FHIP1A: variants seen among roughly 807,000 people sequenced by gnomAD.
FHIP1A encodes FHF complex subunit HOOK interacting protein 1A, also known as FHF complex subunit HOOK-interacting protein 1A.
FHIP1A carries 61 observed loss-of-function variants against 88.6 expected under a neutral mutation model. The observed-to-expected ratio is 0.69, with a 90% confidence interval of 0.56 to 0.85. The LOEUF is 0.85. Among genes scored for constraint, FHIP1A ranks in the 40% least tolerant of loss-of-function variants. The probability of loss-of-function intolerance (pLI) is 0.00; values close to 1 mark genes in which losing one functional copy is unlikely to be tolerated. For missense variants in FHIP1A, 1,154 were observed against 1,273.5 expected (o/e 0.91, Z 1.43); for synonymous variants, 478 against 496.0 (o/e 0.96, Z 0.48).
intron 2 of FHIP1A, among the ~76,000 whole-genome samples, chr4:151,457,244 C>T (rs943226685): frequency 6.6e-6 from 1 of 152,006 alleles, no homozygotes; most frequent in Non-Finnish European, 1.5e-5. Context: ...CCTGTGTGGG[C>T]TAAGTAAGAA....
intron 2 of FHIP1A, among the ~76,000 whole-genome samples, chr4:151,474,463 A>G (rs1482926187): frequency 2.0e-5 from 3 of 152,348 alleles, no homozygotes; most frequent in Middle Eastern, 3.4e-3. Flanking sequence ...GATTTGTGAA[A>G]TTTTGTTTTT....
intron 3 of FHIP1A, among the ~76,000 whole-genome samples, chr4:151,498,940 A>G (rs964493570): frequency 1.3e-5 from 2 of 152,254 alleles, no homozygotes; most frequent in Non-Finnish European, 2.9e-5. Flanking sequence ...GAAGGCTTGC[A>G]GTCTTCAATT....
intron 8 of FHIP1A, among the ~76,000 whole-genome samples, chr4:151,633,217 A>C (rs918099641): frequency 1.3e-5 from 2 of 151,938 alleles, no homozygotes; most frequent in Non-Finnish European, 2.9e-5. Flanking sequence ...GGACCTAGAT[A>C]CATTCTTAGA....
At chr4:151,436,873 A>G (rs1198022333) in intron 1 of FHIP1A, among the ~76,000 whole-genome samples, 2 of 152,178 alleles carry the variant, frequency 1.3e-5, no homozygotes, top group African/African-American at 4.8e-5. Context: ...ATAAAATGAC[A>G]TAGTATTTGC....
chr4:151,635,565 A>G (rs1332507721), intron 8 of FHIP1A, among the ~76,000 whole-genome samples: 6 of 151,832 alleles, frequency 4.0e-5, no homozygotes, highest in Admixed American at 3.9e-4. Context: ...AAAGAAGGAA[A>G]TCTTGTCATA....
intron 1 of FHIP1A, among the ~76,000 whole-genome samples, chr4:151,416,524 G>A (rs1211025719): frequency 1.3e-5 from 2 of 152,038 alleles, no homozygotes; most frequent in Admixed American, 6.6e-5. Context: ...ACACATTTGT[G>A]TATTTATGCC....
intron 2 of FHIP1A, among the ~76,000 whole-genome samples, chr4:151,474,900 T>G (rs1729645467): frequency 6.6e-6 from 1 of 152,206 alleles, no homozygotes; most frequent in Non-Finnish European, 1.5e-5. Context: ...TTGCTTACCT[T>G]GTACAGGGGC....
chr4:151,560,289 A>G (rs879620909), intron 3 of FHIP1A, among the ~76,000 whole-genome samples: 3 of 152,174 alleles, frequency 2.0e-5, no homozygotes, highest in Non-Finnish European at 4.4e-5. Context: ...ACATGAAGGG[A>G]TTTAAAGCAC....
chr4:151,592,380 C>T (rs1183501335), intron 7 of FHIP1A, among the ~76,000 whole-genome samples: 15 of 152,138 alleles, frequency 9.9e-5, no homozygotes, highest in Non-Finnish European at 1.3e-4. Context: ...GTGATCCACC[C>T]GCCTCAGCCT....
At chr4:151,655,900 G>C (rs773019590) in intron 11 of FHIP1A, among the ~76,000 whole-genome samples, 1 of 151,794 alleles carries the variant, frequency 6.6e-6, no homozygotes, top group Non-Finnish European at 1.5e-5. Flanking sequence ...AGAAATACAG[G>C]AATGATGTAG....
At chr4:151,474,717 G>A (rs1729639291) in intron 2 of FHIP1A, among the ~76,000 whole-genome samples, 1 of 152,210 alleles carries the variant, frequency 6.6e-6, no homozygotes, top group Non-Finnish European at 1.5e-5. Context: ...GTGTTTATTG[G>A]CCATTCGGCC....
At chr4:151,582,360 T>G (rs1246867768) in intron 5 of FHIP1A, among the ~76,000 whole-genome samples, 1 of 152,196 alleles carries the variant, frequency 6.6e-6, no homozygotes, top group Non-Finnish European at 1.5e-5. Flanking sequence ...CTTTCTTTTT[T>G]TTTTTGTATG....
At chr4:151,472,098 A>G (rs1301722058) in intron 2 of FHIP1A, among the ~76,000 whole-genome samples, 1 of 152,116 alleles carries the variant, frequency 6.6e-6, no homozygotes. Context: ...TTGCAGTTGT[A>G]TACTCCTTTG....
intron 3 of FHIP1A, among the ~76,000 whole-genome samples, chr4:151,532,113 G>C (rs1731899061): frequency 1.3e-5 from 2 of 152,164 alleles, no homozygotes; most frequent in Admixed American, 6.5e-5. Context: ...TGACAGCTCT[G>C]CTGTTGTTTG....
chr4:151,496,313 C>T (rs193206505), intron 3 of FHIP1A, among the ~76,000 whole-genome samples: 1 of 151,328 alleles, frequency 6.6e-6, no homozygotes, highest in Admixed American at 6.6e-5. Context: ...ACAAAAGCAC[C>T]ACAAAGCTTA....
At chr4:151,543,941 G>A (rs1266117361) in intron 3 of FHIP1A, among the ~76,000 whole-genome samples, 1 of 152,156 alleles carries the variant, frequency 6.6e-6, no homozygotes, top group Admixed American at 6.6e-5. Context: ...ACTCTAGGGT[G>A]TTTCAAGGCA....
At chr4:151,542,141 G>A (rs963063960) in intron 3 of FHIP1A, among the ~76,000 whole-genome samples, 2 of 152,036 alleles carry the variant, frequency 1.3e-5, no homozygotes, top group Non-Finnish European at 2.9e-5. Context: ...TTCAAAGTGT[G>A]TGTGTGGCTA....
intron 7 of FHIP1A, among the ~76,000 whole-genome samples, chr4:151,617,893 A>G (rs545059893): frequency 1.3e-5 from 2 of 152,322 alleles, no homozygotes; most frequent in South Asian, 4.1e-4. Context: ...CTTAAAAAAA[A>G]GAAAAAGTGT....
At chr4:151,586,554 C>A in intron 5 of FHIP1A, 87 bp from the exon 6 acceptor site, 1 of 1,070,728 alleles carries the variant, frequency 9.3e-7, no homozygotes, top group South Asian at 1.7e-5. Flanking sequence ...GTTTTGGGAC[C>A]AGCAGCATTG....
Sources: allele counts gnomAD v4.1 joint callset (sites outside exome capture counted in the v4.1 genomes callset), GRCh38; gene constraint gnomAD v4.1.1; transcripts MANE v1.5; gene names NCBI Gene and HGNC (gene_info 2026-07-23, HGNC 2026-07-21).